DPY19L2: variants seen among roughly 807,000 people sequenced by gnomAD.
The protein encoded by DPY19L2 is probable C-mannosyltransferase DPY19L2.
In DPY19L2, 34 loss-of-function variants were observed where a neutral mutation model predicts 97.9. The observed-to-expected ratio is 0.35, with a 90% CI of 0.26 to 0.46. DPY19L2 has a LOEUF of 0.46. Among genes scored for constraint, DPY19L2 ranks in the 20% least tolerant of loss-of-function variants. DPY19L2 has a pLI of 1.00. For synonymous variants in DPY19L2, 230 were observed against 307.9 expected, an observed-to-expected ratio of 0.75 and a Z score of 2.65; for missense variants, 623 against 911.4, an observed-to-expected ratio of 0.68 and a Z score of 4.07.
At chr12:63,640,959 G>C (rs1565824546) in intron 6 of DPY19L2, among the ~76,000 whole-genome samples, 1 of 152,050 alleles carries the variant, frequency 6.6e-6, no homozygotes, top group Non-Finnish European at 1.5e-5. Context: ...GTGGCGCAAT[G>C]TCGGCTCACT....
chr12:63,561,780 C>A (rs1158303026), intron 21 of DPY19L2, among the ~76,000 whole-genome samples: 1 of 151,592 alleles, frequency 6.6e-6, no homozygotes, highest in Non-Finnish European at 1.5e-5. Flanking sequence ...GTTATCATTT[C>A]TCTTAGGGAA....
chr12:63,662,585 C>T (rs997932785), intron 3 of DPY19L2, among the ~76,000 whole-genome samples: 10 of 152,016 alleles, frequency 6.6e-5, no homozygotes, highest in African/African-American at 2.4e-4. Context: ...TTTCCCTAAA[C>T]CCCTCTAAGG....
At chr12:63,634,588 C>T (rs1332085103) in intron 6 of DPY19L2, among the ~76,000 whole-genome samples, 1 of 152,154 alleles carries the variant, frequency 6.6e-6, no homozygotes, top group African/African-American at 2.4e-5. Context: ...CACCCTAATA[C>T]GGCACTTTTC....
intron 4 of DPY19L2, among the ~76,000 whole-genome samples, chr12:63,653,726 C>G (rs556993702): frequency 1.3e-5 from 2 of 152,026 alleles, no homozygotes; most frequent in Non-Finnish European, 2.9e-5. Context: ...AACGTTTGAA[C>G]TTTGAACATT....
intron 12 of DPY19L2, among the ~76,000 whole-genome samples, chr12:63,605,966 G>T (rs1473740756): frequency 6.6e-6 from 1 of 151,910 alleles, no homozygotes. Context: ...TTATATCTTA[G>T]AAATTTTAAA....
At chr12:63,596,958 T>G (rs1393775436) in intron 14 of DPY19L2, among the ~76,000 whole-genome samples, 3 of 152,010 alleles carry the variant, frequency 2.0e-5, no homozygotes, top group Non-Finnish European at 4.4e-5. Flanking sequence ...TCCATGATTC[T>G]ACAAAGAGGC....
chr12:63,600,379 T>C lies in DPY19L2; in HGVS notation c.1286A>G (p.Gln429Arg), dbSNP rs752714987. ...GVSKLNFWLI[Q>R]GSAWWCGTII... ...TGTTCCACACCACCAGGCACTACCT[T>C]GAATTAGCTAGAAAATAAAATAGAA... Residue 429 changes from glutamine (Q) to arginine (R), a missense_variant, in exon 13 of 22, where the codon CAA becomes CGA. Transcript: ENST00000324472. The C allele has an allele frequency of 2.5e-6, 4 of 1,586,748 alleles. No individual in the cohort carries two copies. The highest frequency in any genetic ancestry group is 3.5e-6 in the Non-Finnish European group (4 of 1,158,082).
intron 12 of DPY19L2, among the ~76,000 whole-genome samples, chr12:63,605,754 G>A (rs746956183): frequency 6.6e-6 from 1 of 152,100 alleles, no homozygotes; most frequent in African/African-American, 2.4e-5. Context: ...TCCAGCTTAG[G>A]AACATTCAAA....
Position 63,665,176 on chromosome 12 carries a change from A to G in DPY19L2, c.362+659T>C, listed in dbSNP as rs7304065. 4.9e-3 allele frequency among the ~76,000 whole-genome samples: 742 copies of G among 152,206 alleles called. 1 individual carries two copies. Among genetic ancestry groups the G allele is most frequent in the African/African-American group, 0.017 (711 of 41,522 alleles). ...CAGGTGTTACTAAAACTTTATCACCAAAGTTATTTCACTGGCTGAGTGTTG... is the reference window on the plus strand; with the variant it reads ...CAGGTGTTACTAAAACTTTATCACCGAAGTTATTTCACTGGCTGAGTGTTG... On this transcript the variant is annotated intron_variant, in intron 2 of 21. Transcript: ENST00000324472.
intron 4 of DPY19L2, among the ~76,000 whole-genome samples, chr12:63,660,509 A>G (rs1447462861): frequency 6.6e-6 from 1 of 152,022 alleles, no homozygotes; most frequent in Non-Finnish European, 1.5e-5. Context: ...GACTAGAAGC[A>G]GAACAAAGGT....
intron 21 of DPY19L2, among the ~76,000 whole-genome samples, chr12:63,563,956 A>G (rs1158361183): frequency 6.6e-6 from 1 of 152,032 alleles, no homozygotes; most frequent in Non-Finnish European, 1.5e-5. Context: ...AAGATTTTCT[A>G]TTTCTTAAGT....
intron 4 of DPY19L2, among the ~76,000 whole-genome samples, chr12:63,659,031 T>C (rs1300540075): frequency 6.6e-6 from 1 of 152,098 alleles, no homozygotes; most frequent in Admixed American, 6.5e-5. Context: ...ACTTCATCTA[T>C]ATGACCAGCT....
chr12:63,647,550 C>T (rs1195978380), intron 4 of DPY19L2, among the ~76,000 whole-genome samples, 185 bp from the exon 5 acceptor site: 2 of 152,046 alleles, frequency 1.3e-5, no homozygotes, highest in African/African-American at 2.4e-5. Context: ...GACATAAAAA[C>T]AAACACTGCG....
At chr12:63,610,316 T>C (rs1220684728) in intron 11 of DPY19L2, among the ~76,000 whole-genome samples, 1 of 151,418 alleles carries the variant, frequency 6.6e-6, no homozygotes, top group Non-Finnish European at 1.5e-5. Flanking sequence ...TATAATTATA[T>C]ATATATATAT....
chr12:63,599,088 G>A (rs904944504), intron 13 of DPY19L2, among the ~76,000 whole-genome samples: 6 of 151,372 alleles, frequency 4.0e-5, no homozygotes, highest in African/African-American at 9.7e-5. Flanking sequence ...CACGAGAATC[G>A]CTTGAGCCCA....
chr12:63,652,836 C>T (rs1233916836), intron 4 of DPY19L2, among the ~76,000 whole-genome samples: 1 of 152,096 alleles, frequency 6.6e-6, no homozygotes, highest in Non-Finnish European at 1.5e-5. Context: ...TGCTTATTAC[C>T]TGGCTGCCAA....
intron 6 of DPY19L2, among the ~76,000 whole-genome samples, chr12:63,641,623 T>C (rs1391529788): frequency 1.3e-5 from 2 of 152,044 alleles, no homozygotes; most frequent in African/African-American, 2.4e-5. Flanking sequence ...TTCAACCATG[T>C]TGTGTGTAGC....
At chr12:63,647,700 A>G (rs1426254221) in intron 4 of DPY19L2, among the ~76,000 whole-genome samples, 2 of 152,162 alleles carry the variant, frequency 1.3e-5, no homozygotes, top group Non-Finnish European at 2.9e-5. Context: ...ATTCTTGAAA[A>G]AGGAGGATTT....
In DPY19L2 at chr12:63,571,065, T is replaced by C. The variant is rs1592386085; in HGVS notation, c.1901-208A>G. On this transcript the variant is annotated intron_variant, in intron 19 of 21. Coordinates refer to ENST00000324472, the MANE Select transcript of DPY19L2 (RefSeq NM_173812.5). The stretch of plus-strand genomic sequence containing the variant: ...TTAAATACTATCTTGGGGCTAGAAA[T>C]TGTGCTCCATATTTTAACAAGAAAT... 2.0e-5 allele frequency among the ~76,000 whole-genome samples: 3 copies of C among 152,154 alleles called. 1 individual carries two copies. The highest frequency in any genetic ancestry group is 2.0e-4 in the Admixed American group (3 of 15,294).
Sources: allele counts gnomAD v4.1 joint callset (sites outside exome capture counted in the v4.1 genomes callset), GRCh38; gene constraint gnomAD v4.1.1; transcripts MANE v1.5; gene names NCBI Gene and HGNC (gene_info 2026-07-23, HGNC 2026-07-21).